Variants in FNIP2 observed in about 807,000 individuals in gnomAD.
FNIP2 encodes the protein folliculin-interacting protein 2.
Under a neutral mutation model 108.7 loss-of-function variants are expected in FNIP2, and 32 were observed. That is an observed-to-expected ratio of 0.29 (90% CI 0.22 to 0.40). The LOEUF (loss-of-function observed/expected upper bound fraction) is 0.40, where lower values mean the gene tolerates loss of function less well. Ranked by LOEUF, FNIP2 falls within the 10% of genes least tolerant of loss-of-function variation. The probability of loss-of-function intolerance (pLI) is 1.00; values close to 1 mark genes in which losing one functional copy is unlikely to be tolerated. For missense variants in FNIP2, 1,202 were observed against 1,381.6 expected (o/e 0.87, Z 2.06); for synonymous variants, 480 against 496.7 (o/e 0.97, Z 0.45).
chr4:158,776,723 G>C (rs1484162705), intron 1 of FNIP2, among the ~76,000 whole-genome samples: 1 of 152,196 alleles, frequency 6.6e-6, no homozygotes, highest in Non-Finnish European at 1.5e-5. Flanking sequence ...CTAAATCCTA[G>C]CCTTGCCATT....
intron 14 of FNIP2, among the ~76,000 whole-genome samples, chr4:158,875,515 G>GATATATATATATAT (rs56389652): frequency 0.027 from 2,972 of 111,692 alleles, 131 homozygotes; most frequent in African/African-American, 0.034. Context: ...GCCTGGCTGT[G>GATATATATATATAT]ATATATATAT....
chr4:158,876,970 C>T (rs1002424346), intron 14 of FNIP2, among the ~76,000 whole-genome samples: 20 of 152,090 alleles, frequency 1.3e-4, no homozygotes, highest in African/African-American at 4.4e-4. Flanking sequence ...CAGAGTTAGA[C>T]ACATGTCTAA....
At chr4:158,835,621 C>A (rs1778755190) in intron 7 of FNIP2, 145 bp downstream of exon 7, 1 of 667,286 alleles carries the variant, frequency 1.5e-6, no homozygotes. Flanking sequence ...ATCTAAAGAT[C>A]TGAAACTTTA....
intron 1 of FNIP2, among the ~76,000 whole-genome samples, chr4:158,779,737 CTT>C (rs34598926): frequency 6.8e-5 from 9 of 133,332 alleles, no homozygotes; most frequent in African/African-American, 5.7e-5. Context: ...CCATACCCAC[CTT>C]TTTTTTTTTT....
Position 158,891,560 on chromosome 4 carries a change from G to C in FNIP2, c.3064G>C (p.Gly1022Arg). 6.2e-7 allele frequency: 1 copy of C among 1,612,272 alleles called. No individual in the cohort carries two copies. The highest frequency in any genetic ancestry group is 8.5e-7 in the Non-Finnish European group (1 of 1,179,168). ...QRKVTDNMKL[G>R]QDVLVSSQVS... The stretch of plus-strand genomic sequence containing the variant: ...GAAAGTGACGGACAACATGAAACTA[G>C]GCCAGGATGTCCTGGTCTCTAGTCA... The change falls in exon 15 of 17, where the codon GGC becomes CGC. Residue 1022 changes from glycine to arginine, a missense_variant. Gly to Arg is a moderately radical substitution (Grantham distance 125). This residue lies in a region of FNIP2 where 142 missense variants were observed against 183.8 expected (regional missense o/e 0.77). Transcript: ENST00000264433.
intron 1 of FNIP2, among the ~76,000 whole-genome samples, chr4:158,810,359 G>T (rs752451225): frequency 6.6e-6 from 1 of 152,164 alleles, no homozygotes; most frequent in Non-Finnish European, 1.5e-5. Context: ...AAATGGTTGG[G>T]TGTGACTCTG....
At chr4:158,801,039 T>C (rs1465414758) in intron 1 of FNIP2, among the ~76,000 whole-genome samples, 6 of 152,190 alleles carry the variant, frequency 3.9e-5, no homozygotes, top group Non-Finnish European at 7.3e-5. Flanking sequence ...ATTTCCCAGG[T>C]AGTTCCACAT....
Position 158,826,031 on chromosome 4 carries a change from G to T in FNIP2, c.223G>T (p.Val75Leu), listed in dbSNP as rs767344636. The change falls in exon 2 of 17, where the codon GTG (valine) becomes TTG (leucine). Residue 75 changes from valine to leucine, a missense_variant. Coordinates refer to ENST00000264433, the MANE Select transcript of FNIP2 (RefSeq NM_020840.3). Reference sequence around the variant, plus strand: ...TAAAGCTGTTCAAAAGATTGAGGAGGTGACAGCTCAGGTATGAAATGCTGA... The same window carrying T: ...TAAAGCTGTTCAAAAGATTGAGGAGTTGACAGCTCAGGTATGAAATGCTGA... The part of the protein sequence containing the change: ...DSKAVQKIEE[V>L]TAQKTEDVPI... 1.2e-6 allele frequency: 2 copies of T among 1,606,684 alleles called. No homozygotes were observed. Among genetic ancestry groups the T allele is most frequent in the African/African-American group, 2.7e-5 (2 of 74,826 alleles).
At chr4:158,782,183 A>G (rs913788675) in intron 1 of FNIP2, among the ~76,000 whole-genome samples, 1 of 152,232 alleles carries the variant, frequency 6.6e-6, no homozygotes, top group Non-Finnish European at 1.5e-5. Context: ...ATGTGGAGCC[A>G]CTGAGGTTTT....
chr4:158,823,062 A>T (rs1353304099), intron 1 of FNIP2, among the ~76,000 whole-genome samples: 1 of 152,138 alleles, frequency 6.6e-6, no homozygotes, highest in Non-Finnish European at 1.5e-5. Context: ...ATATTTGAAT[A>T]TGTGTTATTC....
At chr4:158,783,136 C>G (rs1776108398) in intron 1 of FNIP2, among the ~76,000 whole-genome samples, 1 of 152,176 alleles carries the variant, frequency 6.6e-6, no homozygotes, top group South Asian at 2.1e-4. Context: ...TTGTCTTGAG[C>G]TTGCCGTGAC....
intron 14 of FNIP2, among the ~76,000 whole-genome samples, chr4:158,882,720 CAT>C (rs909054152): frequency 1.6e-4 from 24 of 152,184 alleles, no homozygotes; most frequent in African/African-American, 5.5e-4. Flanking sequence ...CTCTCTGAAA[CAT>C]GTGCTGTGTC....
At chr4:158,852,965 G>A (rs1779782025) in intron 8 of FNIP2, among the ~76,000 whole-genome samples, 1 of 152,126 alleles carries the variant, frequency 6.6e-6, no homozygotes, top group African/African-American at 2.4e-5. Context: ...AAATAAAAAT[G>A]TGGTCCTCTT....
At position 158,868,520 on chromosome 4, in the gene FNIP2, T is replaced by C. The variant is rs1031027990; in HGVS notation, c.1884T>C (p.Ala628=). 5 of 1,613,808 alleles carry C rather than the reference T, an allele frequency of 3.1e-6. No homozygotes were observed. The highest frequency in any genetic ancestry group is 4.2e-6 in the Non-Finnish European group (5 of 1,179,870). The part of the protein sequence containing the change: ...ANRRPEQGSE[A]CSAGCLGPAS... Reference sequence around the variant, plus strand: ...GGAGGCCAGAGCAGGGTTCTGAGGCTTGCAGCGCAGGGTGCCTGGGGCCAG... The same window carrying C: ...GGAGGCCAGAGCAGGGTTCTGAGGCCTGCAGCGCAGGGTGCCTGGGGCCAG... Residue 628 remains alanine, a synonymous_variant, in exon 13 of 17, where the codon GCT becomes GCC. Transcript: ENST00000264433. This position sits in a 1 kb window ranked among gnomAD's most constrained non-coding sequence, Gnocchi z 4.6.
At position 158,869,291 on chromosome 4, in the gene FNIP2, A is replaced by G. The variant is rs774132978; in HGVS notation, c.2655A>G (p.Gly885=). 6.2e-7 allele frequency: 1 copy of G among 1,613,946 alleles called. No homozygotes were observed. ...AGAAGGCCAACTTCAGGACTGAAGG[A>G]GACATTCCCCGAAATGAAAGCTCAG... ...DNKKANFRTE[G]DIPRNESSDS... Residue 885 remains glycine, a synonymous_variant, in exon 13 of 17, where the codon GGA becomes GGG. Coordinates refer to ENST00000264433, the MANE Select transcript of FNIP2 (RefSeq NM_020840.3).
intron 14 of FNIP2, among the ~76,000 whole-genome samples, chr4:158,878,194 T>A (rs2126733804): frequency 6.6e-6 from 1 of 152,306 alleles, no homozygotes; most frequent in Middle Eastern, 3.4e-3. Context: ...CCTCCAGGAT[T>A]TCAGTCTTGA....
intron 8 of FNIP2, among the ~76,000 whole-genome samples, chr4:158,856,503 G>C (rs1341598038): frequency 6.6e-6 from 1 of 152,196 alleles, no homozygotes; most frequent in Non-Finnish European, 1.5e-5. Context: ...GTATGTAGCT[G>C]CAGCCTTTCC....
chr4:158,781,245 G>A (rs1311544039), intron 1 of FNIP2, among the ~76,000 whole-genome samples: 1 of 152,122 alleles, frequency 6.6e-6, no homozygotes, highest in African/African-American at 2.4e-5. Context: ...AGGCTTTATG[G>A]AGGAGATAAG....
chr4:158,816,450 A>G (rs1237271252), intron 1 of FNIP2, among the ~76,000 whole-genome samples: 1 of 152,194 alleles, frequency 6.6e-6, no homozygotes, highest in Non-Finnish European at 1.5e-5. Context: ...GGAATATAAT[A>G]ATGTGTTGAC....
Sources: gnomAD v4.1 joint callset for allele counts (sites outside exome capture counted in the v4.1 genomes callset) on GRCh38, gnomAD v4.1.1 for gene constraint, gnomAD v4.1.1 regional missense constraint, Gnocchi (gnomAD v3.1) non-coding constraint, MANE v1.5 for transcripts, NCBI Gene and HGNC (gene_info 2026-07-23, HGNC 2026-07-21) for gene names.